Variants in ZNF277 observed in about 807,000 individuals in gnomAD.
ZNF277 encodes the protein nuclear receptor-interacting factor 4.
In ZNF277, 55 loss-of-function variants were observed where a neutral mutation model predicts 60.7. The observed-to-expected ratio is 0.91, with a 90% confidence interval of 0.73 to 1.13. The LOEUF is 1.13. Ranked by LOEUF, ZNF277 falls within the 50% of genes most tolerant of loss-of-function variation. The probability of loss-of-function intolerance (pLI) is 0.00; values close to 1 mark genes in which losing one functional copy is unlikely to be tolerated. For missense variants in ZNF277, 510 were observed against 523.0 expected, an observed-to-expected ratio of 0.98 and a Z score of 0.24; for synonymous variants, 178 against 179.3, an observed-to-expected ratio of 0.99 and a Z score of 0.06.
intron 5 of ZNF277, among the ~76,000 whole-genome samples, chr7:112,319,238 CATATGGTTG>C (rs1309778283): frequency 6.6e-6 from 1 of 152,046 alleles, no homozygotes; most frequent in East Asian, 1.9e-4. Context: ...ACCCTCTAAT[CATATGGTTG>C]GTCTTTATGA....
intron 1 of ZNF277, among the ~76,000 whole-genome samples, chr7:112,245,604 A>G (rs1391834913): frequency 3.3e-5 from 5 of 152,290 alleles, no homozygotes; most frequent in Admixed American, 3.3e-4. Flanking sequence ...GTGAGGGAGA[A>G]TAAGTTCAAT....
intron 1 of ZNF277, among the ~76,000 whole-genome samples, chr7:112,253,033 T>C (rs1305453208): frequency 6.6e-6 from 1 of 152,102 alleles, no homozygotes; most frequent in Non-Finnish European, 1.5e-5. Flanking sequence ...GTAGTGTCTG[T>C]GAATGGATTT....
chr7:112,318,580 C>CCCG (rs1792897368), intron 5 of ZNF277, among the ~76,000 whole-genome samples: 1 of 152,010 alleles, frequency 6.6e-6, no homozygotes, highest in Non-Finnish European at 1.5e-5. Context: ...TATACTAACT[C>CCCG]TTTTCTTCTA....
chr7:112,284,112 C>A (rs764563714), intron 1 of ZNF277, among the ~76,000 whole-genome samples: 2 of 152,162 alleles, frequency 1.3e-5, no homozygotes, highest in African/African-American at 2.4e-5. Flanking sequence ...ATTCTCTCAT[C>A]TGGAAGATTG....
chr7:112,283,751 AAT>A (rs1039098817), intron 1 of ZNF277, among the ~76,000 whole-genome samples: 3 of 152,200 alleles, frequency 2.0e-5, no homozygotes, highest in Non-Finnish European at 4.4e-5. Flanking sequence ...ACAGAGGAAT[AAT>A]AGACTGCAAT....
chr7:112,328,643 G>A (rs1793155539), intron 6 of ZNF277, among the ~76,000 whole-genome samples: 2 of 152,086 alleles, frequency 1.3e-5, no homozygotes, highest in African/African-American at 4.8e-5. Context: ...GGCCGAGGTG[G>A]GCGGATCACC....
intron 1 of ZNF277, among the ~76,000 whole-genome samples, chr7:112,218,977 G>A (rs1488743136): frequency 2.0e-5 from 3 of 152,160 alleles, no homozygotes; most frequent in African/African-American, 7.2e-5. Flanking sequence ...CTTCAGTTAT[G>A]TACCCAGAAG....
At chr7:112,314,797 AAAAAC>A (rs1244921838) in intron 4 of ZNF277, among the ~76,000 whole-genome samples, 4 of 152,090 alleles carry the variant, frequency 2.6e-5, no homozygotes, top group Middle Eastern at 3.2e-3. Context: ...CTCTGTCTCA[AAAAAC>A]AAAACAAAAC....
At chr7:112,337,126 G>GCCCC (rs1793349853) in intron 8 of ZNF277, among the ~76,000 whole-genome samples, 1 of 152,148 alleles carries the variant, frequency 6.6e-6, no homozygotes. Context: ...AGTTTTCCTG[G>GCCCC]TTTGGGAATG....
chr7:112,335,593 C>T (rs62473143), intron 7 of ZNF277, among the ~76,000 whole-genome samples: 3,502 of 152,012 alleles, frequency 0.023, 53 homozygotes, highest in Middle Eastern at 0.075. Context: ...CATTTAATCA[C>T]CTTAAAAAAA....
At chr7:112,308,074 A>G (rs573882664) in intron 4 of ZNF277, among the ~76,000 whole-genome samples, 19 of 152,118 alleles carry the variant, frequency 1.2e-4, no homozygotes, top group African/African-American at 4.6e-4. Context: ...GGTTATCTTC[A>G]TATCCATTTT....
At chr7:112,290,999 G>A (rs1033437431) in intron 2 of ZNF277, among the ~76,000 whole-genome samples, 2 of 152,108 alleles carry the variant, frequency 1.3e-5, no homozygotes, top group African/African-American at 4.8e-5. Context: ...GACTTACCTT[G>A]TGGTTTACAA....
chr7:112,239,007 G>A (rs1427534480), intron 1 of ZNF277, among the ~76,000 whole-genome samples: 2 of 152,154 alleles, frequency 1.3e-5, no homozygotes, highest in South Asian at 4.2e-4. Context: ...ATCACCTAAT[G>A]ACTAAAGAAC....
At chr7:112,281,399 C>G (rs1791940856) in intron 1 of ZNF277, among the ~76,000 whole-genome samples, 1 of 152,204 alleles carries the variant, frequency 6.6e-6, no homozygotes, top group African/African-American at 2.4e-5. Context: ...GTATTACTTA[C>G]TCTGAATTCC....
intron 1 of ZNF277, among the ~76,000 whole-genome samples, chr7:112,275,315 GT>G (rs1183306302): frequency 5.3e-5 from 8 of 152,172 alleles, no homozygotes; most frequent in African/African-American, 1.7e-4. Context: ...GTAAGAACTC[GT>G]AGTAGTCTTA....
chr7:112,340,895 A>AAACT lies in ZNF277; in HGVS notation c.1034_1037dup (p.Val347ThrfsTer35), dbSNP rs750101811. ...AGGATTAAATTTCTATCAGCAAGTG[A>AAACT]AACTGGTCAATTTTATTCGGAGGCA... is the stretch of plus-strand genomic sequence containing the variant. On this transcript the variant is annotated frameshift_variant, in exon 11 of 12. Coordinates refer to ENST00000361822, the MANE Select transcript of ZNF277 (RefSeq NM_021994.3). LOFTEE classifies it high-confidence loss of function. 1 of 1,609,974 alleles carries AAACT rather than the reference A, an allele frequency of 6.2e-7. No individual in the cohort carries two copies. The highest frequency in any genetic ancestry group is 1.7e-5 in the Admixed American group (1 of 59,238).
chr7:112,306,685 T>A (rs983340544), intron 4 of ZNF277, among the ~76,000 whole-genome samples: 1 of 152,086 alleles, frequency 6.6e-6, no homozygotes, highest in Non-Finnish European at 1.5e-5. Context: ...CCAGCCACCT[T>A]TCTATCAGGT....
At chr7:112,335,158 A>C (rs1245258127) in intron 7 of ZNF277, among the ~76,000 whole-genome samples, 1 of 152,128 alleles carries the variant, frequency 6.6e-6, no homozygotes, top group Non-Finnish European at 1.5e-5. Context: ...TCCATAATTG[A>C]GTGAATTTTG....
intron 1 of ZNF277, among the ~76,000 whole-genome samples, chr7:112,222,305 C>T (rs1350121008): frequency 6.6e-6 from 1 of 152,164 alleles, no homozygotes; most frequent in Non-Finnish European, 1.5e-5. Flanking sequence ...GCGGTGACAT[C>T]GTTAGGTCTT....
Sources: allele counts gnomAD v4.1 joint callset (sites outside exome capture counted in the v4.1 genomes callset), GRCh38; gene constraint gnomAD v4.1.1; transcripts MANE v1.5; gene names NCBI Gene and HGNC (gene_info 2026-07-23, HGNC 2026-07-21).